PRDM10: variants seen among roughly 807,000 people sequenced by gnomAD.
The protein encoded by PRDM10 is PR domain zinc finger protein 10.
PRDM10 carries 65 observed loss-of-function variants against 133.1 expected under a neutral mutation model. That is an observed-to-expected ratio of 0.49 (90% CI 0.40 to 0.60). The LOEUF (loss-of-function observed/expected upper bound fraction) is 0.60. Among genes scored for constraint, PRDM10 ranks in the 20% least tolerant of loss-of-function variants. PRDM10 has a pLI of 0.00. For missense variants in PRDM10, 1,137 were observed against 1,507.1 expected (o/e 0.75, Z 4.07); for synonymous variants, 582 against 580.4 (o/e 1.00, Z -0.04).
At chr11:129,943,280 C>T (rs1951274618) in intron 6 of PRDM10, among the ~76,000 whole-genome samples, 1 of 152,220 alleles carries the variant, frequency 6.6e-6, no homozygotes, top group African/African-American at 2.4e-5. Flanking sequence ...ACAGGTCAGA[C>T]CTGTTTCAAA....
intron 1 of PRDM10, among the ~76,000 whole-genome samples, chr11:129,963,779 G>T: frequency 6.6e-6 from 1 of 152,096 alleles, no homozygotes; most frequent in East Asian, 1.9e-4. Flanking sequence ...TGTTAACACG[G>T]TAACAGTAAT....
At chr11:129,922,548 C>T (rs1159221252) in intron 13 of PRDM10, among the ~76,000 whole-genome samples, 9 of 152,198 alleles carry the variant, frequency 5.9e-5, no homozygotes, top group Admixed American at 5.9e-4. Flanking sequence ...TTTTCCTCTC[C>T]TGAATCAATT....
At chr11:129,973,462 G>A (rs1437078409) in intron 1 of PRDM10, among the ~76,000 whole-genome samples, 1 of 152,152 alleles carries the variant, frequency 6.6e-6, no homozygotes, top group Admixed American at 6.5e-5. Context: ...AATTCCAGAT[G>A]CAGATTTTAA....
At chr11:129,991,250 A>G (rs1938726846) in intron 1 of PRDM10, among the ~76,000 whole-genome samples, 1 of 152,256 alleles carries the variant, frequency 6.6e-6, no homozygotes, top group Non-Finnish European at 1.5e-5. Flanking sequence ...CAATTAAAAG[A>G]TATTTTAATA....
intron 1 of PRDM10, among the ~76,000 whole-genome samples, chr11:129,965,317 G>C (rs1951884185): frequency 6.6e-6 from 1 of 151,966 alleles, no homozygotes; most frequent in Non-Finnish European, 1.5e-5. Context: ...TGATAGTAAG[G>C]CTTGTCATAT....
intron 8 of PRDM10, among the ~76,000 whole-genome samples, chr11:129,937,056 A>G (rs1446226083): frequency 6.6e-6 from 1 of 152,270 alleles, no homozygotes; most frequent in Non-Finnish European, 1.5e-5. Flanking sequence ...ACAATTTGTT[A>G]ACAAGCATAT....
chr11:129,966,749 G>A (rs750990592), intron 1 of PRDM10, among the ~76,000 whole-genome samples: 2 of 152,162 alleles, frequency 1.3e-5, no homozygotes, highest in African/African-American at 2.4e-5. Flanking sequence ...GCCTGAGGTT[G>A]AGTGAGAAAA....
intron 1 of PRDM10, among the ~76,000 whole-genome samples, chr11:130,001,958 G>A (rs1048256373): frequency 1.6e-4 from 25 of 151,584 alleles, no homozygotes; most frequent in African/African-American, 5.3e-4. Flanking sequence ...CTGCGGGCCG[G>A]CCCCCCGCCC....
intron 6 of PRDM10, among the ~76,000 whole-genome samples, chr11:129,943,568 A>C (rs1019705959): frequency 1.3e-5 from 2 of 152,286 alleles, no homozygotes; most frequent in South Asian, 4.1e-4. Flanking sequence ...CCTTATAAGA[A>C]GGGAAGATGG....
chr11:129,935,819 T>C (rs776796496), intron 8 of PRDM10, among the ~76,000 whole-genome samples: 3 of 152,250 alleles, frequency 2.0e-5, no homozygotes, highest in Non-Finnish European at 4.4e-5. Context: ...TAATAAGGAA[T>C]CTTCCTGGTC....
intron 7 of PRDM10, among the ~76,000 whole-genome samples, chr11:129,941,451 T>C (rs561982625): frequency 6.6e-6 from 1 of 152,304 alleles, no homozygotes; most frequent in African/African-American, 2.4e-5. Flanking sequence ...AAAACATTCA[T>C]ACAAAGAAAA....
intron 9 of PRDM10, among the ~76,000 whole-genome samples, chr11:129,932,922 C>G (rs530901970): frequency 4.6e-5 from 7 of 152,132 alleles, no homozygotes; most frequent in African/African-American, 7.2e-5. Flanking sequence ...TGTGGCACCA[C>G]GCCCAGCTAA....
chr11:129,973,445 T>C (rs1039602386), intron 1 of PRDM10, among the ~76,000 whole-genome samples: 2 of 152,226 alleles, frequency 1.3e-5, no homozygotes, highest in African/African-American at 2.4e-5. Context: ...AACTTAGATA[T>C]GAATTAAATT....
chr11:129,937,539 A>G, intron 8 of PRDM10, 59 bp downstream of exon 8: 1 of 1,486,952 alleles, frequency 6.7e-7, no homozygotes, highest in Non-Finnish European at 9.2e-7. Context: ...TTTCATAAAG[A>G]TGTGATATAT....
chr11:129,902,713 C>T (rs1368084395), intron 20 of PRDM10, among the ~76,000 whole-genome samples, 197 bp from the exon 21 acceptor site: 1 of 152,144 alleles, frequency 6.6e-6, no homozygotes, highest in Non-Finnish European at 1.5e-5. Flanking sequence ...CTTAAAGGAG[C>T]ACCTTAGCAG....
At chr11:129,922,967 T>C (rs542519381) in intron 13 of PRDM10, among the ~76,000 whole-genome samples, 3 of 152,364 alleles carry the variant, frequency 2.0e-5, no homozygotes, top group South Asian at 2.1e-4. Flanking sequence ...GAAATCTCAA[T>C]AGCGATTTAG....
chr11:129,919,565 A>T (rs1950461275), intron 13 of PRDM10, among the ~76,000 whole-genome samples: 1 of 152,184 alleles, frequency 6.6e-6, no homozygotes, highest in South Asian at 2.1e-4. Context: ...TCCTGGTTTC[A>T]CTATTTAGTG....
chr11:129,942,463 G>A lies in PRDM10; in HGVS notation c.929C>T (p.Thr310Ile). Residue 310 changes from threonine (T) to isoleucine (I), a missense_variant, in exon 7 of 21, where the codon ACA becomes ATA. Around this residue, in one of 6 missense-constraint regions of PRDM10, gnomAD observed 635 missense variants for 835.2 expected, o/e 0.76. Transcript: ENST00000360871. Reference sequence around the variant, plus strand: ...CTTGGGCTCCACATTTTTTATGGTTGTATAATACACATGGTGGCCATACTG... The same window carrying A: ...CTTGGGCTCCACATTTTTTATGGTTATATAATACACATGGTGGCCATACTG... ...AYQYGHHVYY[T>I]TIKNVEPKQE... The A allele has an allele frequency of 1.9e-6, 3 of 1,614,054 alleles. No homozygotes were observed. The highest frequency in any genetic ancestry group is 2.5e-6 in the Non-Finnish European group (3 of 1,180,016).
At chr11:129,998,469 T>G (rs962659059) in intron 1 of PRDM10, among the ~76,000 whole-genome samples, 4 of 152,326 alleles carry the variant, frequency 2.6e-5, no homozygotes, top group Admixed American at 2.6e-4. Context: ...AATAGCAAAC[T>G]ACAGCCTATG....
Sources: allele counts gnomAD v4.1 joint callset (sites outside exome capture counted in the v4.1 genomes callset), GRCh38; gene constraint gnomAD v4.1.1; regional missense constraint gnomAD v4.1.1; transcripts MANE v1.5; gene names NCBI Gene and HGNC (gene_info 2026-07-23, HGNC 2026-07-21).